PARPBP: variants seen among roughly 807,000 people sequenced by gnomAD.
PARPBP encodes the protein PARP1 binding protein, also known as PCNA-interacting partner.
In PARPBP, 52 loss-of-function variants were observed where a neutral mutation model predicts 50.0. That is an observed-to-expected ratio of 1.04 (90% CI 0.83 to 1.31). PARPBP has a LOEUF of 1.31. PARPBP is among the 50% of genes most tolerant of loss of function. The probability of loss-of-function intolerance (pLI) is 0.00; values close to 1 mark genes in which losing one functional copy is unlikely to be tolerated. For synonymous variants in PARPBP, 244 were observed against 232.1 expected (o/e 1.05, Z -0.47); for missense variants, 697 against 672.0 (o/e 1.04, Z -0.41).
At chr12:102,162,382 G>T (rs1399627910) in intron 4 of PARPBP, among the ~76,000 whole-genome samples, 2 of 152,172 alleles carry the variant, frequency 1.3e-5, no homozygotes, top group African/African-American at 2.4e-5. Flanking sequence ...TAGAATTCGT[G>T]AGTCTGTTAT....
intron 10 of PARPBP, 90 bp from the exon 11 acceptor site, chr12:102,195,858 CGTT>C: frequency 1.4e-6 from 1 of 739,032 alleles, no homozygotes; most frequent in Non-Finnish European, 2.2e-6. Context: ...TTTGAATATT[CGTT>C]AGCCATTTTT....
Position 102,196,999 on chromosome 12 carries a change from A to G in PARPBP, c.*708A>G. The G allele has an allele frequency of 6.2e-7, 1 of 1,611,724 alleles. No individual in the cohort carries two copies. The highest frequency in any genetic ancestry group is 8.5e-7 in the Non-Finnish European group (1 of 1,178,432). ...GTCAAAATCTCTCCTTCCTATAGGAAATTTAGCTGAGTTTTCTTCATCCCC... is the reference window on the plus strand; with the variant it reads ...GTCAAAATCTCTCCTTCCTATAGGAGATTTAGCTGAGTTTTCTTCATCCCC... On this transcript the variant is annotated 3_prime_UTR_variant, in exon 11 of 11. Coordinates refer to ENST00000327680, the MANE Select transcript of PARPBP (RefSeq NM_017915.5).
rs1891315563 is a variant in PARPBP at position 102,196,311 on chromosome 12, T to G, written c.*20T>G. The G allele has an allele frequency of 2.1e-6, 3 of 1,421,258 alleles. No individual in the cohort carries two copies. In the East Asian group the frequency reaches 6.9e-5, roughly 32 times the overall value. The allele number at this position is 1,421,258 out of a possible 1,614,324, so 88.0% of individuals were successfully genotyped here. A position where few individuals can be genotyped will look rare whatever the true frequency, so the allele number is the denominator to read the frequency against. ...CTATAAATTTGTGTCTTATATGCTT[T>G]AGGTTTATGTATCTATAAACCATTC... On this transcript the variant is annotated 3_prime_UTR_variant, in exon 11 of 11. Coordinates refer to ENST00000327680, the MANE Select transcript of PARPBP (RefSeq NM_017915.5).
intron 2 of PARPBP, among the ~76,000 whole-genome samples, chr12:102,128,392 C>T (rs987783681): frequency 6.6e-5 from 10 of 152,108 alleles, no homozygotes; most frequent in East Asian, 1.9e-4. Context: ...CCACCACACC[C>T]GGCTAATTTT....
At chr12:102,161,588 C>G (rs1887598005) in intron 4 of PARPBP, among the ~76,000 whole-genome samples, 1 of 152,004 alleles carries the variant, frequency 6.6e-6, no homozygotes, top group Admixed American at 6.6e-5. Flanking sequence ...ATGATTTGCT[C>G]TCATGGAACT....
chr12:102,147,889 A>G (rs76825149), intron 2 of PARPBP, among the ~76,000 whole-genome samples: 32,785 of 151,952 alleles, frequency 0.22, 3,702 homozygotes, highest in African/African-American at 0.28. Flanking sequence ...TCCCCCATCA[A>G]TAGTACTTAA....
At chr12:102,168,965 G>C (rs1888421946) in intron 6 of PARPBP, among the ~76,000 whole-genome samples, 1 of 151,800 alleles carries the variant, frequency 6.6e-6, no homozygotes, top group Non-Finnish European at 1.5e-5. Context: ...TTCCCTCTTT[G>C]TAAGTATTTA....
At chr12:102,151,761 GA>G in intron 3 of PARPBP, 1 of 1,535,658 alleles carries the variant, frequency 6.5e-7, no homozygotes, top group Non-Finnish European at 8.7e-7. Flanking sequence ...TCCAGAAGAA[GA>G]GACGAGACCT....
At chr12:102,172,691 A>G (rs151172978) in intron 6 of PARPBP, among the ~76,000 whole-genome samples, 17 of 152,246 alleles carry the variant, frequency 1.1e-4, no homozygotes, top group Non-Finnish European at 2.2e-4. Flanking sequence ...AAAATTTAAC[A>G]TTTTTGTCAT....
At chr12:102,154,321 C>A (rs1886600389) in intron 4 of PARPBP, among the ~76,000 whole-genome samples, 1 of 152,172 alleles carries the variant, frequency 6.6e-6, no homozygotes, top group Non-Finnish European at 1.5e-5. Flanking sequence ...ATATGCTCAA[C>A]TGAAAAATCT....
intron 4 of PARPBP, among the ~76,000 whole-genome samples, chr12:102,159,318 A>C (rs368496751): frequency 9.9e-4 from 150 of 152,212 alleles, no homozygotes; most frequent in Middle Eastern, 3.4e-3. Flanking sequence ...TAGTAGAGAC[A>C]GGGTTTCACC....
At chr12:102,127,157 G>T (rs1882125891) in intron 2 of PARPBP, among the ~76,000 whole-genome samples, 1 of 152,142 alleles carries the variant, frequency 6.6e-6, no homozygotes, top group African/African-American at 2.4e-5. Context: ...CACTCTGAGA[G>T]TCCATGATGG....
chr12:102,188,609 G>A (rs1296242409), intron 9 of PARPBP, among the ~76,000 whole-genome samples: 1 of 152,178 alleles, frequency 6.6e-6, no homozygotes, highest in Admixed American at 6.6e-5. Context: ...GTTCCTTTAT[G>A]TGCAATATCC....
At position 102,195,978 on chromosome 12, in the gene PARPBP, C is replaced by A; in HGVS notation, c.1427C>A (p.Ser476Ter). The A allele has an allele frequency of 1.2e-6, 2 of 1,604,178 alleles. No homozygotes were observed. The highest frequency in any genetic ancestry group is 1.1e-5 in the South Asian group (1 of 89,336). ...GGTGTAAATCCATCTGTTGGAAGAT[C>A]AACAATTGGAACGAGTTTTGGAAAT... is the stretch of plus-strand genomic sequence containing the variant. ...SEGVNPSVGR[S>*]TIGTSFGNVH... Residue 476 changes from serine to a stop codon, truncating the protein, a stop_gained, in exon 11 of 11, where the codon TCA becomes TAA. Coordinates refer to ENST00000327680, the MANE Select transcript of PARPBP (RefSeq NM_017915.5). LOFTEE classifies it low-confidence loss of function (END_TRUNC).
chr12:102,152,860 A>G (rs918142946), intron 3 of PARPBP, among the ~76,000 whole-genome samples: 1 of 150,770 alleles, frequency 6.6e-6, no homozygotes, highest in African/African-American at 2.5e-5. Context: ...TAAATATTTA[A>G]AGCACAAAGA....
At chr12:102,155,605 G>GA (rs201449484) in intron 4 of PARPBP, among the ~76,000 whole-genome samples, 4 of 110,820 alleles carry the variant, frequency 3.6e-5, no homozygotes, top group Non-Finnish European at 5.5e-5. Flanking sequence ...GGGGGGGGGG[G>GA]GCGGGGACAA....
chr12:102,141,376 T>C (rs1376191999), intron 2 of PARPBP, among the ~76,000 whole-genome samples: 5 of 152,182 alleles, frequency 3.3e-5, no homozygotes, highest in Non-Finnish European at 7.3e-5. Context: ...AGCCTATATG[T>C]GTCTCTGCAT....
At chr12:102,172,868 A>AT (rs1888887684) in intron 6 of PARPBP, among the ~76,000 whole-genome samples, 1 of 152,190 alleles carries the variant, frequency 6.6e-6, no homozygotes, top group Non-Finnish European at 1.5e-5. Context: ...AAAGCATATA[A>AT]TGTTAATTAC....
chr12:102,196,120 T>A lies in PARPBP; in HGVS notation c.1569T>A (p.Asp523Glu). The A allele has an allele frequency of 6.2e-7, 1 of 1,612,048 alleles. No homozygotes were observed. The highest frequency in any genetic ancestry group is 8.5e-7 in the Non-Finnish European group (1 of 1,178,660). The part of the protein sequence containing the change: ...VDLDGENILC[D>E]NRNEPPQHKN... ...TGGATGGTGAAAATATTCTCTGTGATAATAGAAATGAACCACCTCAACATA... is the reference window on the plus strand; with the variant it reads ...TGGATGGTGAAAATATTCTCTGTGAAAATAGAAATGAACCACCTCAACATA... The change falls in exon 11 of 11, where the codon GAT becomes GAA. Residue 523 changes from aspartate to glutamate, a missense_variant. Coordinates refer to ENST00000327680, the MANE Select transcript of PARPBP (RefSeq NM_017915.5).
Sources: gnomAD v4.1 joint callset for allele counts (sites outside exome capture counted in the v4.1 genomes callset) on GRCh38, gnomAD v4.1.1 for gene constraint, MANE v1.5 for transcripts, NCBI Gene and HGNC (gene_info 2026-07-23, HGNC 2026-07-21) for gene names.